Variants in LRRIQ1 observed in about 807,000 individuals in gnomAD.
LRRIQ1 encodes leucine rich repeats and IQ motif containing 1, also known as leucine-rich repeat- and IQ domain-containing protein 1.
In LRRIQ1, 210 loss-of-function variants were observed where a neutral mutation model predicts 211.9. The ratio of observed to expected loss-of-function variants is 0.99; its 90% CI spans 0.89 to 1.11. The LOEUF (loss-of-function observed/expected upper bound fraction) is 1.11. LRRIQ1 is among the 50% of genes most tolerant of loss of function. The probability of loss-of-function intolerance (pLI) is 0.00; values close to 1 mark genes in which losing one functional copy is unlikely to be tolerated. For synonymous variants in LRRIQ1, 699 were observed against 650.1 expected (o/e 1.08, Z -1.14); for missense variants, 2,136 against 1,939.5 (o/e 1.10, Z -1.90).
intron 5 of LRRIQ1, among the ~76,000 whole-genome samples, chr12:85,046,930 C>A (rs1384793980): frequency 6.7e-6 from 1 of 149,022 alleles, no homozygotes; most frequent in Non-Finnish European, 1.5e-5. Context: ...CATGTTCTCA[C>A]TCATCGGTGG....
At chr12:85,217,306 A>G (rs932871793) in intron 24 of LRRIQ1, among the ~76,000 whole-genome samples, 1 of 150,836 alleles carries the variant, frequency 6.6e-6, no homozygotes, top group Non-Finnish European at 1.5e-5. Context: ...TATCACTAAC[A>G]TATCAACTCA....
At chr12:85,221,807 A>T (rs1405858161) in intron 24 of LRRIQ1, among the ~76,000 whole-genome samples, 1 of 152,210 alleles carries the variant, frequency 6.6e-6, no homozygotes, top group African/African-American at 2.4e-5. Flanking sequence ...TTTGAATATT[A>T]TCTAAAGGCA....
intron 18 of LRRIQ1, among the ~76,000 whole-genome samples, chr12:85,128,604 A>T (rs1050230644): frequency 7.9e-5 from 12 of 152,084 alleles, no homozygotes; most frequent in African/African-American, 2.4e-4. Context: ...GTCTCAAAAA[A>T]CAACAACAAC....
intron 23 of LRRIQ1, among the ~76,000 whole-genome samples, chr12:85,156,848 A>G (rs1042410005): frequency 6.6e-6 from 1 of 151,834 alleles, no homozygotes; most frequent in East Asian, 1.9e-4. Flanking sequence ...CAGAGAATAC[A>G]AACAATTAAT....
intron 24 of LRRIQ1, among the ~76,000 whole-genome samples, chr12:85,191,587 G>T (rs1262774714): frequency 6.6e-6 from 1 of 151,990 alleles, no homozygotes; most frequent in African/African-American, 2.4e-5. Flanking sequence ...CATCTTAGTT[G>T]TTCTGAAGTT....
At chr12:85,148,456 C>G (rs1166217243) in intron 19 of LRRIQ1, among the ~76,000 whole-genome samples, 1 of 151,892 alleles carries the variant, frequency 6.6e-6, no homozygotes, top group Non-Finnish European at 1.5e-5. Context: ...CAGTTTCACC[C>G]ATGTCCCTGC....
Position 85,232,751 on chromosome 12 carries a change from C to G in LRRIQ1, c.5011C>G (p.Leu1671Val). The G allele has an allele frequency of 6.2e-7, 1 of 1,611,658 alleles. No individual in the cohort carries two copies. The highest frequency in any genetic ancestry group is 2.2e-5 in the East Asian group (1 of 44,678). Residue 1671 changes from leucine to valine, a missense_variant, in exon 26 of 27, where the codon CTT becomes GTT. Coordinates refer to ENST00000393217, the MANE Select transcript of LRRIQ1 (RefSeq NM_001079910.2). The part of the protein sequence containing the change: ...PDVLNGGRVQ[L>V]VARLVSREDT... ...TGTACTTAATGGTGGAAGAGTTCAG[C>G]TTGTGGTAAGAAATGTGCTTAAAGT...
At chr12:85,076,527 C>T in intron 11 of LRRIQ1, 1 of 484,014 alleles carries the variant, frequency 2.1e-6, no homozygotes, top group Non-Finnish European at 2.7e-6. Flanking sequence ...AGTAGAGATA[C>T]TAAGAGTTTT....
the LRRIQ1 span, among the ~76,000 whole-genome samples, chr12:85,269,621 A>G: frequency 3.9e-5 from 6 of 151,976 alleles, no homozygotes; most frequent in Admixed American, 6.6e-5. Flanking sequence ...TCACAAGAAT[A>G]TTGATATAGA....
rs772833824 is a variant in LRRIQ1, at chr12:85,124,353, G to T, written c.3841G>T (p.Ala1281Ser). ...VSSHSPLSKS[A>S]TCENMEGRHQ... The stretch of plus-strand genomic sequence containing the variant: ...CAGCCACTCCCCATTAAGCAAATCC[G>T]CCACATGTGAAAATATGGAAGGAAG... Residue 1281 changes from alanine (A) to serine (S), a missense_variant, in exon 17 of 27, where the codon GCC (alanine) becomes TCC (serine). Physicochemically the swap from Ala to Ser is moderately conservative, Grantham distance 99. Transcript: ENST00000393217. The T allele has an allele frequency of 1.2e-6, 2 of 1,613,998 alleles. No individual in the cohort carries two copies. The highest frequency in any genetic ancestry group is 1.7e-5 in the Admixed American group (1 of 60,004).
intron 24 of LRRIQ1, among the ~76,000 whole-genome samples, chr12:85,189,983 GTATAT>G (rs200040020): frequency 0.058 from 8,141 of 139,200 alleles, 774 homozygotes; most frequent in African/African-American, 0.2. Context: ...TAATATAACA[GTATAT>G]TATATTATAT....
At chr12:85,088,263 T>C (rs982952748) in intron 11 of LRRIQ1, among the ~76,000 whole-genome samples, 6 of 152,078 alleles carry the variant, frequency 3.9e-5, no homozygotes, top group African/African-American at 1.4e-4. Flanking sequence ...TGTAGATGTG[T>C]GGTATTATTT....
In LRRIQ1 at chr12:85,055,788, A is replaced by C. The variant is rs752849942; in HGVS notation, c.995A>C (p.Glu332Ala). ...AAGGAAGCAAAAATACGACAAAAGG[A>C]GGAAGAAAATCGAAAAAGATTAGAG... ...KEKEAKIRQK[E>A]EENRKRLEEE... is the part of the protein sequence containing the mutation. Residue 332 changes from glutamate to alanine, a missense_variant, in exon 8 of 27, where the codon GAG (glutamate) becomes GCG (alanine). Physicochemically the swap from Glu to Ala is moderately radical, Grantham distance 107 (BLOSUM62 -1). Transcript: ENST00000393217. 8 of 1,603,238 alleles carry C rather than the reference A, an allele frequency of 5.0e-6. No individual in the cohort carries two copies. In the South Asian group the frequency reaches 6.7e-5, roughly 13 times the overall value.
chr12:85,237,267 C>T (rs1895232262), intron 26 of LRRIQ1, among the ~76,000 whole-genome samples: 1 of 151,938 alleles, frequency 6.6e-6, no homozygotes, highest in South Asian at 2.1e-4. Flanking sequence ...ATAAAAGAAA[C>T]ACATGAGTTC....
chr12:85,141,359 C>G (rs1183475014), intron 19 of LRRIQ1, among the ~76,000 whole-genome samples: 1 of 151,126 alleles, frequency 6.6e-6, no homozygotes, highest in East Asian at 1.9e-4. Context: ...GTGCTAAAAT[C>G]TCTTACTCTG....
At chr12:85,269,491 A>G in the LRRIQ1 span, among the ~76,000 whole-genome samples, 2 of 152,062 alleles carry the variant, frequency 1.3e-5, no homozygotes, top group African/African-American at 2.4e-5. Flanking sequence ...AACTTGATCT[A>G]CAGAGGTATT....
At position 85,142,296 on chromosome 12, in the gene LRRIQ1, T is replaced by C. The variant is rs181027447; in HGVS notation, c.4329+4327T>C. 5.9e-5 allele frequency among the ~76,000 whole-genome samples: 9 copies of C among 151,540 alleles called. No homozygotes were observed. In the East Asian group the frequency reaches 1.8e-3, roughly 30 times the overall value. ...TCTTTATTGCCCTGCTTGGAGTTGGTGAGATCATACAGCTTCTTGAATCTG... is the reference window on the plus strand; with the variant it reads ...TCTTTATTGCCCTGCTTGGAGTTGGCGAGATCATACAGCTTCTTGAATCTG... On this transcript the variant is annotated intron_variant, in intron 19 of 26. Coordinates refer to ENST00000393217, the MANE Select transcript of LRRIQ1 (RefSeq NM_001079910.2).
rs754295056 is a variant in LRRIQ1, at chr12:85,244,965, C to T, written c.*24C>T. 2.6e-5 allele frequency: 41 copies of T among 1,603,780 alleles called. 1 individual carries two copies. Among genetic ancestry groups the T allele is most frequent in the Middle Eastern group, 1.7e-4 (1 of 6,022 alleles). ...AGAAATCACAAACGAATTGATGGAACCTAATGCCAACAAGCATTCTTTTTC... is the reference window on the plus strand; with the variant it reads ...AGAAATCACAAACGAATTGATGGAATCTAATGCCAACAAGCATTCTTTTTC... On this transcript the variant is annotated 3_prime_UTR_variant, in exon 27 of 27. Coordinates refer to ENST00000393217, the MANE Select transcript of LRRIQ1 (RefSeq NM_001079910.2).
At chr12:85,053,841 G>A (rs1278002308) in intron 7 of LRRIQ1, among the ~76,000 whole-genome samples, 3 of 152,084 alleles carry the variant, frequency 2.0e-5, no homozygotes, top group African/African-American at 4.8e-5. Context: ...CCGAGTAGCT[G>A]GGACTACAGG....
Sources: gnomAD v4.1 joint callset for allele counts (sites outside exome capture counted in the v4.1 genomes callset) on GRCh38, gnomAD v4.1.1 for gene constraint, MANE v1.5 for transcripts, NCBI Gene and HGNC (gene_info 2026-07-23, HGNC 2026-07-21) for gene names.